The following ZNF536 variants were observed in gnomAD, a reference collection of about 807,000 sequenced individuals.
The protein encoded by ZNF536 is zinc finger protein 536.
A neutral mutation model predicts 84.5 loss-of-function variants in ZNF536; 13 were observed. The ratio of observed to expected loss-of-function variants is 0.15; its 90% CI spans 0.10 to 0.24. The LOEUF (loss-of-function observed/expected upper bound fraction) is 0.24, where lower values mean the gene tolerates loss of function less well. ZNF536 is among the 10% of genes least tolerant of loss of function. The probability of loss-of-function intolerance (pLI) is 1.00; values close to 1 mark genes in which losing one functional copy is unlikely to be tolerated. For missense variants in ZNF536, 1,536 were observed against 1,747.5 expected, an observed-to-expected ratio of 0.88 and a Z score of 2.16; for synonymous variants, 811 against 742.5, an observed-to-expected ratio of 1.09 and a Z score of -1.50.
intron 2 of ZNF536, among the ~76,000 whole-genome samples, chr19:30,481,413 C>T (rs796855609): frequency 9.2e-5 from 14 of 152,274 alleles, no homozygotes; most frequent in African/African-American, 2.2e-4. Flanking sequence ...CATTATGACA[C>T]GTTTGAGAGC....
chr19:30,584,880 G>A (rs1248096887), intron 1 of ZNF536, among the ~76,000 whole-genome samples: 1 of 152,140 alleles, frequency 6.6e-6, no homozygotes, highest in Admixed American at 6.5e-5. Flanking sequence ...AGAATTGCTT[G>A]AGGCCAGGAG....
chr19:30,707,738 G>T (rs550533076), intron 1 of ZNF536, among the ~76,000 whole-genome samples: 2 of 152,268 alleles, frequency 1.3e-5, no homozygotes, highest in African/African-American at 4.8e-5. Context: ...GGCAGGGCAT[G>T]GTGGCTCACG....
At position 30,444,335 on chromosome 19, in the gene ZNF536, C is replaced by T. The variant is rs2148179733; in HGVS notation, c.773C>T (p.Pro258Leu). The T allele has an allele frequency of 6.3e-7, 1 of 1,594,892 alleles. No homozygotes were observed. Among genetic ancestry groups the T allele is most frequent in the South Asian group, 1.1e-5 (1 of 90,304 alleles). Residue 258 changes from proline (P) to leucine (L), a missense_variant, in exon 2 of 5, where the codon CCC becomes CTC. Pro to Leu is a moderately conservative substitution (Grantham distance 98). Around this residue, in one of 8 missense-constraint regions of ZNF536, gnomAD observed 138 missense variants for 136.8 expected, o/e 1.01. Transcript: ENST00000355537. ...GACGTGGCCCACCCGGTGCCCTCGC[C>T]CAAGCCTGCCAGCGTGCAGGAGGAC... ...VPDVAHPVPS[P>L]KPASVQEDAV...
intron 1 of ZNF536, among the ~76,000 whole-genome samples, chr19:30,408,891 C>T (rs142829804): frequency 3.3e-5 from 5 of 150,048 alleles, no homozygotes; most frequent in African/African-American, 1.2e-4. Flanking sequence ...CTTCATCTAT[C>T]ATCATCCATC....
intron 3 of ZNF536, among the ~76,000 whole-genome samples, chr19:30,546,762 T>C (rs556526330): frequency 6.6e-6 from 1 of 152,322 alleles, no homozygotes; most frequent in African/African-American, 2.4e-5. Context: ...CAGGGCACCA[T>C]TGTGAATAAG....
At chr19:30,662,962 CTTTTTTT>C (rs951081577) in intron 1 of ZNF536, among the ~76,000 whole-genome samples, 123 of 78,756 alleles carry the variant, frequency 1.6e-3, no homozygotes, top group African/African-American at 4.3e-3. Flanking sequence ...TTTTTCGTTT[CTTTTTTT>C]TTTTTTTTTT....
intron 1 of ZNF536, among the ~76,000 whole-genome samples, chr19:30,707,195 G>A (rs1201602762): frequency 6.6e-6 from 1 of 152,100 alleles, no homozygotes; most frequent in Non-Finnish European, 1.5e-5. Flanking sequence ...CTCATGCCCA[G>A]CTTAGTCCTG....
chr19:30,669,192 C>T (rs773207012), intron 1 of ZNF536, among the ~76,000 whole-genome samples: 14 of 152,226 alleles, frequency 9.2e-5, no homozygotes, highest in Non-Finnish European at 1.8e-4. Flanking sequence ...CGCTCCCTGT[C>T]TGTTTTTGGA....
intron 3 of ZNF536, among the ~76,000 whole-genome samples, chr19:30,538,669 G>T (rs1689543335): frequency 6.6e-6 from 1 of 152,190 alleles, no homozygotes; most frequent in African/African-American, 2.4e-5. Context: ...AAGGCCATCA[G>T]ATCCTGGAGG....
intron 1 of ZNF536, among the ~76,000 whole-genome samples, chr19:30,598,849 T>G (rs1233101146): frequency 6.6e-6 from 1 of 152,254 alleles, no homozygotes; most frequent in South Asian, 2.1e-4. Context: ...TTCTCTCTTT[T>G]CTTTTCTTCC....
chr19:30,261,142 C>CA (rs1423974883), intron 1 of ZNF536, among the ~76,000 whole-genome samples: 2 of 150,730 alleles, frequency 1.3e-5, no homozygotes, highest in South Asian at 2.1e-4. Context: ...ACTAAAAATA[C>CA]AAAAAATTAG....
intron 1 of ZNF536, among the ~76,000 whole-genome samples, chr19:30,573,911 G>A (rs1490972676): frequency 6.6e-6 from 1 of 152,214 alleles, no homozygotes; most frequent in Admixed American, 6.5e-5. Flanking sequence ...TGACAGTGGT[G>A]GTGCCACCCA....
chr19:30,288,405 T>C (rs2045722586), intron 2 of ZNF536, among the ~76,000 whole-genome samples: 1 of 152,212 alleles, frequency 6.6e-6, no homozygotes, highest in Non-Finnish European at 1.5e-5. Flanking sequence ...AGGCTGAGGC[T>C]CTGGGGAGTG....
At position 30,396,592 on chromosome 19, in the gene ZNF536, C is replaced by CT. The variant is rs386388859; in HGVS notation, c.-3+24056dup. 7.1e-3 allele frequency among the ~76,000 whole-genome samples: 802 copies of CT among 112,352 alleles called. 25 individuals are homozygous for CT. The highest frequency in any genetic ancestry group is 0.025 in the African/African-American group (753 of 29,826). The allele number at this position is 112,352 out of a possible 152,430, so 73.7% of individuals were successfully genotyped here. On this transcript the variant is annotated intron_variant, in intron 1 of 4. Transcript: ENST00000355537. ...TCCATTTGCTATGAGAGGGCTCTCT[C>CT]TTTTTTTTTTTTTTTTTTTTGAGAC...
At chr19:30,289,499 G>A (rs965623863) in intron 2 of ZNF536, among the ~76,000 whole-genome samples, 4 of 152,128 alleles carry the variant, frequency 2.6e-5, no homozygotes, top group Non-Finnish European at 5.9e-5. Flanking sequence ...GGACCACCCC[G>A]GGGGCCCCCG....
chr19:30,455,527 C>T (rs1346804623), intron 2 of ZNF536, among the ~76,000 whole-genome samples: 3 of 152,134 alleles, frequency 2.0e-5, no homozygotes, highest in Non-Finnish European at 2.9e-5. Context: ...TATAGCGAAA[C>T]CCTGTCTCTA....
At chr19:30,268,513 T>A (rs955065826) in intron 1 of ZNF536, among the ~76,000 whole-genome samples, 2 of 152,136 alleles carry the variant, frequency 1.3e-5, no homozygotes, top group African/African-American at 4.8e-5. Context: ...GAGTGCTGGC[T>A]CTCTAGAGCC....
At chr19:30,713,394 T>C (rs1481100570) in exon 2 of ZNF536, 3 of 152,232 alleles carry the variant, frequency 2.0e-5, no homozygotes, top group African/African-American at 7.2e-5. Context: ...CTGAGATCAA[T>C]AGGAGTAGAG....
At chr19:30,678,730 C>T (rs898582064) in intron 1 of ZNF536, among the ~76,000 whole-genome samples, 3 of 122,208 alleles carry the variant, frequency 2.5e-5, no homozygotes, top group Non-Finnish European at 5.6e-5. Flanking sequence ...TACCCACCCC[C>T]AAGCCCCCCC....
Sources: allele counts gnomAD v4.1 joint callset (sites outside exome capture counted in the v4.1 genomes callset), GRCh38; gene constraint gnomAD v4.1.1; regional missense constraint gnomAD v4.1.1; transcripts MANE v1.5; gene names NCBI Gene and HGNC (gene_info 2026-07-23, HGNC 2026-07-21).